The following ATP13A2 variants were observed in gnomAD, a reference collection of about 807,000 sequenced individuals.
ATP13A2 encodes ATPase cation transporting 13A2.
In ATP13A2, 83 loss-of-function variants were observed where a neutral mutation model predicts 138.3. The observed-to-expected ratio is 0.60, with a 90% CI of 0.50 to 0.72. The LOEUF is 0.72. Ranked by LOEUF, ATP13A2 falls within the 30% of genes least tolerant of loss-of-function variation. The pLI is 0.00. For synonymous variants in ATP13A2, 663 were observed against 699.0 expected (o/e 0.95, Z 0.81); for missense variants, 1,402 against 1,606.4 (o/e 0.87, Z 2.17).
Position 16,986,042 on chromosome 1 carries a change from C to G in ATP13A2, c.*179G>C. ...GGCTGCCACCCCTACGCGGGATGGT[C>G]CAAGGTAGGGGACAGTAGTCAACGC... On this transcript the variant is annotated 3_prime_UTR_variant, in exon 29 of 29. Transcript: ENST00000326735. This position sits in a 1 kb window ranked among gnomAD's most constrained non-coding sequence, Gnocchi z 6.9. 2 of 1,488,466 alleles carry G rather than the reference C, an allele frequency of 1.3e-6. No homozygotes were observed. Among genetic ancestry groups the G allele is most frequent in the Non-Finnish European group, 1.8e-6 (2 of 1,117,076 alleles). 92.2% of individuals were successfully genotyped at this position (1,488,466 alleles called of 1,614,324 possible).
chr1:16,990,312 G>A (rs56164593), intron 20 of ATP13A2, 25 bp from the exon 21 acceptor site: 2 of 1,613,298 alleles, frequency 1.2e-6, no homozygotes, highest in Non-Finnish European at 1.7e-6. Flanking sequence ...GCAAGGTGAG[G>A]GTCTGAGGCT....
chr1:16,993,271 A>G (rs1183977518), intron 16 of ATP13A2, among the ~76,000 whole-genome samples: 3 of 152,146 alleles, frequency 2.0e-5, no homozygotes, highest in African/African-American at 7.2e-5. Context: ...GCTGGAGTGC[A>G]GTAGCGTGAT....
intron 25 of ATP13A2, 143 bp from the exon 26 acceptor site, chr1:16,987,412 C>A: frequency 1.2e-6 from 1 of 846,772 alleles, no homozygotes; most frequent in Non-Finnish European, 2.0e-6. Flanking sequence ...TACTCTCCTG[C>A]CAGCCCAGCG....
At chr1:17,002,207 A>G in intron 7 of ATP13A2, 89 bp downstream of exon 7, 1 of 1,579,496 alleles carries the variant, frequency 6.3e-7, no homozygotes, top group Non-Finnish European at 8.6e-7. Context: ...TGAGGCCCAG[A>G]GAAGGCAGGT....
chr1:17,010,590 AGT>A (rs530205745), intron 1 of ATP13A2, among the ~76,000 whole-genome samples: 36 of 152,192 alleles, frequency 2.4e-4, no homozygotes, highest in Non-Finnish European at 4.4e-4. Flanking sequence ...GCTGGAAATG[AGT>A]GTGTCTGAAT....
Position 16,988,394 on chromosome 1 carries a change from T to C in ATP13A2, c.2690A>G (p.Gln897Arg), listed in dbSNP as rs1351493228. The C allele has an allele frequency of 6.2e-7, 1 of 1,614,048 alleles. No homozygotes were observed. The highest frequency in any genetic ancestry group is 1.7e-5 in the Admixed American group (1 of 60,020). The change falls in exon 24 of 29, where the codon CAG (glutamine) becomes CGG (arginine). Residue 897 changes from glutamine to arginine, a missense_variant. Coordinates refer to ENST00000326735, the MANE Select transcript of ATP13A2 (RefSeq NM_022089.4). ...GGGTGAGACCACTGAGGCTTCTGCC[T>C]GGGACAGCGAGATGCCGACATCAGC... ...KAADVGISLS[Q>R]AEASVVSPFT...
At position 16,992,437 on chromosome 1, in the gene ATP13A2, G is replaced by A. The variant is rs759667077; in HGVS notation, c.1846-35C>T. ...TGGAGAGGCAGCTGAGGTGCTGGCT[G>A]GGGAGCCCACCCCTCTGCCCTGCAC... On this transcript the variant is annotated intron_variant, in intron 17 of 28. Transcript: ENST00000326735. 16 of 1,613,520 alleles carry A rather than the reference G, an allele frequency of 9.9e-6. No individual in the cohort carries two copies. The South Asian group carries it at 1.8e-4, about 18-fold the overall frequency.
intron 1 of ATP13A2, among the ~76,000 whole-genome samples, chr1:17,010,682 T>C (rs1221462826): frequency 6.6e-6 from 1 of 152,170 alleles, no homozygotes; most frequent in Non-Finnish European, 1.5e-5. Flanking sequence ...GAGGAGTAGA[T>C]TGACAAGCAC....
intron 8 of ATP13A2, among the ~76,000 whole-genome samples, chr1:17,001,521 T>C (rs905372703): frequency 2.0e-5 from 3 of 152,178 alleles, no homozygotes. Context: ...ATCTCTTTCA[T>C]GGTGCCTGCC....
intron 1 of ATP13A2, among the ~76,000 whole-genome samples, chr1:17,007,041 G>A (rs747938407): frequency 4.1e-4 from 62 of 151,942 alleles, no homozygotes; most frequent in Non-Finnish European, 3.4e-4. Context: ...CAGGCGCCCA[G>A]CTAAGTTTTG....
In ATP13A2 at chr1:16,995,069, CCT is replaced by C. The variant is rs1399102761; in HGVS notation, c.1542+905_1542+906del. Among the ~76,000 whole-genome samples the C allele has an allele frequency of 1.3e-5, 2 of 152,216 alleles. No homozygotes were observed. The highest frequency in any genetic ancestry group is 2.9e-5 in the Non-Finnish European group (2 of 68,034). Reference sequence around the variant, plus strand: ...CCGGCCCTGTCCTGCTCCACCACTCCCTGTGCTCAGGTACGCAGCACATCTGT... The same window carrying C: ...CCGGCCCTGTCCTGCTCCACCACTCCGTGCTCAGGTACGCAGCACATCTGT... On this transcript the variant is annotated intron_variant, in intron 15 of 28. Coordinates refer to ENST00000326735, the MANE Select transcript of ATP13A2 (RefSeq NM_022089.4). The surrounding 1 kb of genome is among the most constrained non-coding windows in gnomAD (Gnocchi z 4.1).
Position 17,011,493 on chromosome 1 carries a change from A to C in ATP13A2, c.10+236T>G, listed in dbSNP as rs2077789891. On this transcript the variant is annotated intron_variant, in intron 1 of 28. Coordinates refer to ENST00000326735, the MANE Select transcript of ATP13A2 (RefSeq NM_022089.4). This position sits in a 1 kb window ranked among gnomAD's most constrained non-coding sequence, Gnocchi z 7.3. ...GCGGCTGAGGGGTGCAGGGGAGGGG[A>C]GGGACCGGCTGCGAGCGGCGGCGCC... Among the ~76,000 whole-genome samples the C allele has an allele frequency of 6.6e-6, 1 of 151,916 alleles. No homozygotes were observed. The highest frequency in any genetic ancestry group is 1.5e-5 in the Non-Finnish European group (1 of 67,962).
At position 17,003,473 on chromosome 1, in the gene ATP13A2, G is replaced by A. The variant is rs143031681; in HGVS notation, c.557+859C>T. On this transcript the variant is annotated intron_variant, in intron 6 of 28. Coordinates refer to ENST00000326735, the MANE Select transcript of ATP13A2 (RefSeq NM_022089.4). ...CTCGGGAGGCTGAGGCAGGAGAATCGCTTGAACCCAGGAGGCGGAGGTGCA... is the reference window on the plus strand; with the variant it reads ...CTCGGGAGGCTGAGGCAGGAGAATCACTTGAACCCAGGAGGCGGAGGTGCA... 1.0e-2 allele frequency among the ~76,000 whole-genome samples: 1,515 copies of A among 151,678 alleles called. 23 individuals are homozygous for A. Among genetic ancestry groups the A allele is most frequent in the African/African-American group, 0.033 (1,366 of 41,386 alleles).
In ATP13A2 at chr1:16,986,245, C is replaced by T. The variant is rs750105616; in HGVS notation, c.3519G>A (p.Pro1173=). The change falls in exon 29 of 29, where the codon CCG becomes CCA. Residue 1173 remains proline (P), a synonymous_variant. Transcript: ENST00000326735. This position sits in a 1 kb window ranked among gnomAD's most constrained non-coding sequence, Gnocchi z 6.9. ...ACTACCTCAGGGGGCCGGCGGGCAGCGGCGGCCAGGGCTGCTCGGCCAGCT... is the reference window on the plus strand; with the variant it reads ...ACTACCTCAGGGGGCCGGCGGGCAGTGGCGGCCAGGGCTGCTCGGCCAGCT... The part of the protein sequence containing the change: ...ERELAEQPWP[P]LPAGPLR 1.6e-5 allele frequency: 25 copies of T among 1,609,288 alleles called. No homozygotes were observed. Among genetic ancestry groups the T allele is most frequent in the African/African-American group, 4.0e-5 (3 of 74,490 alleles).
Position 16,988,164 on chromosome 1 carries a change from A to G in ATP13A2, c.2833T>C (p.Phe945Leu), listed in dbSNP as rs983312062. Residue 945 changes from phenylalanine (F) to leucine (L), a missense_variant, in exon 25 of 29, where the codon TTC becomes CTC. By Grantham distance (22) the Phe-to-Leu change is conservative. Transcript: ENST00000326735. ...KYMALYSLTQFISVLILYTIN... is the reference protein window; with the variant it reads ...KYMALYSLTQLISVLILYTIN... ...GTGTAGAGGATCAGGACGGAGATGA[A>G]CTGGGTCAGGCTGTACAGAGCCATG... 1.9e-6 allele frequency: 3 copies of G among 1,614,140 alleles called. No individual in the cohort carries two copies. Among genetic ancestry groups the G allele is most frequent in the Non-Finnish European group, 2.5e-6 (3 of 1,179,990 alleles).
intron 15 of ATP13A2, among the ~76,000 whole-genome samples, chr1:16,994,197 C>CTCTCTCTCTCATTTATTT (rs762110883): frequency 1.8e-3 from 271 of 147,400 alleles, no homozygotes; most frequent in East Asian, 9.8e-3. Context: ...CTCTCTCTCT[C>CTCTCTCTCTCATTTATTT]ATTTATTTAT....
chr1:17,005,691 G>A lies in ATP13A2; in HGVS notation c.98C>T (p.Ser33Leu). The A allele has an allele frequency of 6.2e-7, 1 of 1,613,998 alleles. No individual in the cohort carries two copies. The highest frequency in any genetic ancestry group is 8.5e-7 in the Non-Finnish European group (1 of 1,179,938). The stretch of plus-strand genomic sequence containing the variant: ...CCCACTCTGCCCACTTACCACGGAT[G>A]AAACTGAGGAGCTGAGGGGATCTAT... ...TSIDPLSSSV[S>L]SVRLSGYCGS... is the part of the protein sequence containing the mutation. Residue 33 changes from serine (S) to leucine (L), a missense_variant, in exon 2 of 29, where the codon TCA becomes TTA. Transcript: ENST00000326735.
At chr1:17,001,629 C>T (rs1455002239) in intron 8 of ATP13A2, among the ~76,000 whole-genome samples, 2 of 152,148 alleles carry the variant, frequency 1.3e-5, no homozygotes, top group Non-Finnish European at 2.9e-5. Flanking sequence ...GTCACAGCCT[C>T]CAACTGAAGC....
chr1:17,000,193 T>TTTCC, intron 10 of ATP13A2, 51 bp from the exon 11 acceptor site: 1 of 1,547,718 alleles, frequency 6.5e-7, no homozygotes, highest in Non-Finnish European at 8.8e-7. Context: ...GCCCCAGCCA[T>TTTCC]GCCCCCCCAC....
Sources: gnomAD v4.1 joint callset for allele counts (sites outside exome capture counted in the v4.1 genomes callset) on GRCh38, gnomAD v4.1.1 for gene constraint, Gnocchi (gnomAD v3.1) non-coding constraint, MANE v1.5 for transcripts, NCBI Gene and HGNC (gene_info 2026-07-23, HGNC 2026-07-21) for gene names.